Variants in TTC12 observed in about 807,000 individuals in gnomAD.
The protein encoded by TTC12 is tetratricopeptide repeat protein 12.
Under a neutral mutation model 90.1 loss-of-function variants are expected in TTC12, and 70 were observed. That is an observed-to-expected ratio of 0.78 (90% CI 0.64 to 0.95). The LOEUF (loss-of-function observed/expected upper bound fraction) is 0.95, where lower values mean the gene tolerates loss of function less well. Ranked by LOEUF, TTC12 falls within the 40% of genes least tolerant of loss-of-function variation. The pLI, the probability that TTC12 is intolerant of heterozygous loss-of-function variation, is 0.00. For missense variants in TTC12, 819 were observed against 846.1 expected (o/e 0.97, Z 0.40); for synonymous variants, 296 against 311.5 (o/e 0.95, Z 0.53).
chr11:113,351,388 A>C, intron 15 of TTC12, 89 bp downstream of exon 15: 1 of 1,059,034 alleles, frequency 9.4e-7, no homozygotes, highest in Non-Finnish European at 1.5e-6. Context: ...ATCCAGAACA[A>C]CTATTGTCTC....
At chr11:113,339,821 G>A (rs541055533) in intron 10 of TTC12, among the ~76,000 whole-genome samples, 1 of 151,676 alleles carries the variant, frequency 6.6e-6, no homozygotes, top group South Asian at 2.1e-4. Context: ...ACCACACACA[G>A]CACACTCACA....
At chr11:113,319,155 G>GCCATAATGT (rs1947133999) in intron 2 of TTC12, among the ~76,000 whole-genome samples, 1 of 152,144 alleles carries the variant, frequency 6.6e-6, no homozygotes, top group South Asian at 2.1e-4. Flanking sequence ...TCCCTGATAC[G>GCCATAATGT]CCATAATGTG....
rs781792633 is a variant in TTC12, at chr11:113,339,304, A to T, written c.656A>T (p.Asp219Val). The T allele has an allele frequency of 1.2e-6, 2 of 1,607,062 alleles. No individual in the cohort carries two copies. Among genetic ancestry groups the T allele is most frequent in the South Asian group, 1.1e-5 (1 of 90,722 alleles). The change falls in exon 10 of 22, where the codon GAT becomes GTT. Residue 219 changes from aspartate (D) to valine (V), a missense_variant. Transcript: ENST00000529221. ...TTTCTAGGTTACCTGAATCAAGTAG[A>T]TCTTCAGGAAAAAGCAGACCTTCAA... ...TQVKGYLNQV[D>V]LQEKADLQEK...
intron 8 of TTC12, among the ~76,000 whole-genome samples, chr11:113,337,899 G>T (rs1416686024): frequency 1.3e-5 from 2 of 152,166 alleles, no homozygotes; most frequent in Admixed American, 1.3e-4. Flanking sequence ...ATTGTTGCTA[G>T]ATTAGATCTA....
chr11:113,352,321 A>G, intron 16 of TTC12, 114 bp downstream of exon 16: 3 of 1,380,030 alleles, frequency 2.2e-6, no homozygotes, highest in East Asian at 4.8e-5. Flanking sequence ...GGATGGCGCC[A>G]GTTGGCTTAT....
chr11:113,351,444 C>G (rs1424532290), intron 15 of TTC12, 145 bp downstream of exon 15: 5 of 745,482 alleles, frequency 6.7e-6, no homozygotes, highest in Non-Finnish European at 9.0e-6. Context: ...ACACAATTCT[C>G]AGTTATTGAA....
intron 2 of TTC12, among the ~76,000 whole-genome samples, chr11:113,322,584 G>A (rs1299416551): frequency 1.3e-5 from 2 of 152,190 alleles, no homozygotes; most frequent in Non-Finnish European, 2.9e-5. Flanking sequence ...GGGAGTGACA[G>A]GATATCTTGC....
At chr11:113,336,987 T>A (rs1426785723) in intron 8 of TTC12, among the ~76,000 whole-genome samples, 6 of 152,254 alleles carry the variant, frequency 3.9e-5, no homozygotes, top group Non-Finnish European at 8.8e-5. Context: ...GAACATAGGA[T>A]GTCTTCCCAT....
In TTC12 at chr11:113,350,068, T is replaced by C. The variant is rs1387008313; in HGVS notation, c.1155-5T>C. ...TACCTCTGAGGTTATTATGGTTTTT[T>C]GCAGATTATTGGAAGCGCTGGTGTC... is the stretch of plus-strand genomic sequence containing the variant. On this transcript the variant is annotated splice_region_variant and splice_polypyrimidine_tract_variant and intron_variant, in intron 13 of 21. Transcript: ENST00000529221. 1.2e-6 allele frequency: 2 copies of C among 1,612,672 alleles called. No homozygotes were observed. The highest frequency in any genetic ancestry group is 1.7e-6 in the Non-Finnish European group (2 of 1,178,818).
intron 7 of TTC12, among the ~76,000 whole-genome samples, chr11:113,331,119 C>A (rs2187346): frequency 0.2 from 29,923 of 152,122 alleles, 3,359 homozygotes; most frequent in East Asian, 0.49. Flanking sequence ...CTAACACTGA[C>A]ATCTGGAGTA....
chr11:113,372,681 T>C (rs186630548), intron 21 of TTC12, among the ~76,000 whole-genome samples: 3 of 152,348 alleles, frequency 2.0e-5, no homozygotes, highest in African/African-American at 7.2e-5. Context: ...CAAATTATTT[T>C]TCTTTATAAA....
chr11:113,360,195 T>A (rs1347067102), intron 18 of TTC12, among the ~76,000 whole-genome samples, 187 bp downstream of exon 18: 1 of 152,208 alleles, frequency 6.6e-6, no homozygotes, highest in East Asian at 1.9e-4. Flanking sequence ...AGGTTTTGTC[T>A]ACAGTTTCAG....
At chr11:113,317,548 C>G (rs1187098262) in intron 2 of TTC12, among the ~76,000 whole-genome samples, 1 of 152,170 alleles carries the variant, frequency 6.6e-6, no homozygotes, top group Admixed American at 6.5e-5. Flanking sequence ...TGTCTCCAGG[C>G]TTATACTTCC....
chr11:113,352,453 AT>A (rs1249155650), intron 16 of TTC12, among the ~76,000 whole-genome samples: 1 of 151,558 alleles, frequency 6.6e-6, no homozygotes, highest in Non-Finnish European at 1.5e-5. Flanking sequence ...TTATTTATTT[AT>A]TTATTTATTA....
At chr11:113,323,878 G>T (rs528994645) in intron 3 of TTC12, 116 bp from the exon 4 acceptor site, 1 of 790,050 alleles carries the variant, frequency 1.3e-6, no homozygotes, top group South Asian at 1.8e-5. Flanking sequence ...AGTTTTGATG[G>T]TTAAAAGAAA....
intron 16 of TTC12, among the ~76,000 whole-genome samples, chr11:113,358,538 C>G (rs972978091): frequency 1.3e-5 from 2 of 152,136 alleles, no homozygotes; most frequent in African/African-American, 2.4e-5. Flanking sequence ...GTTGGACTGG[C>G]CCTGTTTGAT....
At chr11:113,325,889 T>C (rs1023575903) in intron 6 of TTC12, among the ~76,000 whole-genome samples, 32 of 152,148 alleles carry the variant, frequency 2.1e-4, no homozygotes, top group Non-Finnish European at 4.4e-5. Context: ...CATTATCAGC[T>C]CTCTCCATAG....
At chr11:113,370,501 T>C (rs1355919086), downstream of TTC12, among the ~76,000 whole-genome samples, 2 of 152,244 alleles carry the variant, frequency 1.3e-5, no homozygotes, top group Non-Finnish European at 2.9e-5. Context: ...CTGAAGCTGC[T>C]GGATGACTTA....
chr11:113,373,036 TA>T, intron 21 of TTC12: 1 of 196,566 alleles, frequency 5.1e-6, no homozygotes, highest in Non-Finnish European at 9.2e-6. Context: ...CCCAACATAA[TA>T]AAAATGATAG....
Sources: allele counts gnomAD v4.1 joint callset (sites outside exome capture counted in the v4.1 genomes callset), GRCh38; gene constraint gnomAD v4.1.1; transcripts MANE v1.5; gene names NCBI Gene and HGNC (gene_info 2026-07-23, HGNC 2026-07-21).